ACSBG2: variants seen among roughly 807,000 people sequenced by gnomAD.
ACSBG2 encodes the protein acyl-CoA synthetase bubblegum family member 2.
Under a neutral mutation model 74.7 loss-of-function variants are expected in ACSBG2, and 62 were observed. That is an observed-to-expected ratio of 0.83 (90% CI 0.68 to 1.03). The LOEUF (loss-of-function observed/expected upper bound fraction) is 1.03, where lower values mean the gene tolerates loss of function less well. ACSBG2 is among the 50% of genes least tolerant of loss of function. The probability of loss-of-function intolerance (pLI) is 0.00; values close to 1 mark genes in which losing one functional copy is unlikely to be tolerated. For missense variants in ACSBG2, 730 were observed against 817.6 expected, an observed-to-expected ratio of 0.89 and a Z score of 1.31; for synonymous variants, 309 against 294.1, an observed-to-expected ratio of 1.05 and a Z score of -0.52.
In ACSBG2 at chr19:6,161,290, T is replaced by C. The variant is rs1168201677; in HGVS notation, c.583T>C (p.Tyr195His). 5 of 1,612,246 alleles carry C rather than the reference T, an allele frequency of 3.1e-6. No individual in the cohort carries two copies. The highest frequency in any genetic ancestry group is 4.2e-6 in the Non-Finnish European group (5 of 1,178,878). The change falls in exon 6 of 15, where the codon TAC (tyrosine) becomes CAC (histidine). Residue 195 changes from tyrosine (Y) to histidine (H), a missense_variant. Transcript: ENST00000588485. ...GCCAATGAAGAAGAACAACAACTTG[T>C]ACTCTGTAAGTGTGGGAGGTGGGCA... ...RLPMKKNNNL[Y>H]SWDDFMELGR...
At chr19:6,172,578 G>A (rs891002414) in intron 7 of ACSBG2, among the ~76,000 whole-genome samples, 7 of 152,202 alleles carry the variant, frequency 4.6e-5, no homozygotes, top group African/African-American at 1.4e-4. Flanking sequence ...GTTGTGGACA[G>A]CTTCTATGCA....
At chr19:6,173,013 G>T (rs1195491385) in intron 7 of ACSBG2, among the ~76,000 whole-genome samples, 1 of 152,114 alleles carries the variant, frequency 6.6e-6, no homozygotes, top group Non-Finnish European at 1.5e-5. Flanking sequence ...AGTGTGGGGT[G>T]GGAGGGCAGG....
chr19:6,152,044 T>C (rs1443957048), intron 4 of ACSBG2, among the ~76,000 whole-genome samples: 3 of 152,214 alleles, frequency 2.0e-5, no homozygotes, highest in Non-Finnish European at 4.4e-5. Context: ...ATAATAATTG[T>C]AGATAGCATT....
chr19:6,136,143 T>C (rs1339960069), intron 1 of ACSBG2, among the ~76,000 whole-genome samples: 1 of 35,166 alleles, frequency 2.8e-5, no homozygotes, highest in Non-Finnish European at 5.1e-5. Flanking sequence ...TCTTGCTCTG[T>C]TGCCCAGGCG....
At chr19:6,184,346 T>A (rs1026415246) in intron 10 of ACSBG2, among the ~76,000 whole-genome samples, 1 of 152,140 alleles carries the variant, frequency 6.6e-6, no homozygotes, top group Non-Finnish European at 1.5e-5. Flanking sequence ...CAAATTTAGA[T>A]GGTTGAACTT....
intron 4 of ACSBG2, among the ~76,000 whole-genome samples, chr19:6,153,396 C>T (rs961471486): frequency 2.6e-5 from 4 of 152,086 alleles, no homozygotes; most frequent in South Asian, 2.1e-4. Flanking sequence ...ATGATGGTGA[C>T]GATAATCTGG....
chr19:6,185,895 G>A lies in ACSBG2; in HGVS notation c.1540+242G>A, dbSNP rs898350849. Among the ~76,000 whole-genome samples, 6 of 152,104 alleles carry A rather than the reference G, an allele frequency of 3.9e-5. 1 individual carries two copies. Among genetic ancestry groups the A allele is most frequent in the African/African-American group, 4.8e-5 (2 of 41,414 alleles). On this transcript the variant is annotated intron_variant, in intron 11 of 14. Transcript: ENST00000588485. The stretch of plus-strand genomic sequence containing the variant: ...ATGGACCTGCAAAAGACAAGCCTTG[G>A]AACCTCCTGAAGCCCCTTTCAGAAT...
At chr19:6,149,255 T>C in intron 3 of ACSBG2, among the ~76,000 whole-genome samples, 1 of 152,128 alleles carries the variant, frequency 6.6e-6, no homozygotes, top group East Asian at 1.9e-4. Flanking sequence ...AGCCTTTTGG[T>C]TACTGAAATA....
Position 6,141,497 on chromosome 19 carries a change from CT to C in ACSBG2, c.-31-10del. Reference sequence around the variant, plus strand: ...TTTGCCAATCCTGTTAAACTCCCTGCTTTTTTGCTTTGCAGTGCTGTGGAGC... The same window carrying C: ...TTTGCCAATCCTGTTAAACTCCCTGCTTTTTGCTTTGCAGTGCTGTGGAGC... On this transcript the variant is annotated splice_polypyrimidine_tract_variant and intron_variant, in intron 1 of 14. Coordinates refer to ENST00000588485, the MANE Select transcript of ACSBG2 (RefSeq NM_030924.5). The C allele has an allele frequency of 1.5e-6, 2 of 1,351,320 alleles. No individual in the cohort carries two copies. The highest frequency in any genetic ancestry group is 2.1e-6 in the Non-Finnish European group (2 of 940,470). The allele number at this position is 1,351,320 out of a possible 1,614,324, so 83.7% of individuals were successfully genotyped here. A position where few individuals can be genotyped will look rare whatever the true frequency, so the allele number is the denominator to read the frequency against.
chr19:6,172,276 G>T (rs1428409601), intron 7 of ACSBG2, among the ~76,000 whole-genome samples: 1 of 152,206 alleles, frequency 6.6e-6, no homozygotes, highest in Non-Finnish European at 1.5e-5. Flanking sequence ...TCTACTGCCA[G>T]ATTTCTTGCA....
chr19:6,140,086 G>A (rs187221771), intron 1 of ACSBG2, among the ~76,000 whole-genome samples: 7 of 152,186 alleles, frequency 4.6e-5, no homozygotes, highest in East Asian at 3.9e-4. Flanking sequence ...TTAGCTGGGC[G>A]TGGTGGTGGG....
chr19:6,147,323 A>C, intron 2 of ACSBG2, 123 bp from the exon 3 acceptor site: 1 of 708,564 alleles, frequency 1.4e-6, no homozygotes, highest in African/African-American at 1.8e-5. Context: ...ACATAACTTC[A>C]CCCTAGAAGG....
intron 6 of ACSBG2, among the ~76,000 whole-genome samples, chr19:6,163,664 C>T (rs1443016362): frequency 6.6e-6 from 1 of 151,536 alleles, no homozygotes; most frequent in African/African-American, 2.4e-5. Context: ...TCACTTGATC[C>T]CAAGAGGCAG....
chr19:6,146,461 C>T (rs2089034998), intron 2 of ACSBG2, among the ~76,000 whole-genome samples: 1 of 99,170 alleles, frequency 1.0e-5, no homozygotes, highest in African/African-American at 4.5e-5. Context: ...AAGAGTGAGA[C>T]TCCGTCTCAA....
At chr19:6,190,762 A>T (rs1284483903) in intron 14 of ACSBG2, 70 bp downstream of exon 14, 5 of 911,398 alleles carry the variant, frequency 5.5e-6, no homozygotes, top group East Asian at 2.8e-5. Context: ...ACTGTGTGGC[A>T]GGCAGATCTG....
chr19:6,162,237 GC>G (rs1257609180), intron 6 of ACSBG2, among the ~76,000 whole-genome samples: 7 of 129,684 alleles, frequency 5.4e-5, no homozygotes, highest in Non-Finnish European at 9.4e-5. Context: ...CTGCACTCCA[GC>G]CTGGCAACAG....
chr19:6,156,171 CCT>C (rs1047437133), intron 4 of ACSBG2, among the ~76,000 whole-genome samples: 44 of 152,186 alleles, frequency 2.9e-4, no homozygotes, highest in African/African-American at 7.7e-4. Context: ...CTGCTGGGCC[CCT>C]GTTTTTCTCA....
intron 14 of ACSBG2, chr19:6,190,906 C>CT (rs943509539): frequency 3.8e-5 from 16 of 417,438 alleles, no homozygotes; most frequent in Non-Finnish European, 6.6e-5. Flanking sequence ...TGTCTCTACT[C>CT]TACCAGGGTC....
At chr19:6,167,038 A>G (rs1479775099) in intron 7 of ACSBG2, among the ~76,000 whole-genome samples, 1 of 151,964 alleles carries the variant, frequency 6.6e-6, no homozygotes, top group Non-Finnish European at 1.5e-5. Context: ...TAAGCTTCAG[A>G]CTCAACAGGC....
Sources: gnomAD v4.1 joint callset for allele counts (sites outside exome capture counted in the v4.1 genomes callset) on GRCh38, gnomAD v4.1.1 for gene constraint, MANE v1.5 for transcripts, NCBI Gene and HGNC (gene_info 2026-07-23, HGNC 2026-07-21) for gene names.